PARN: variants seen among roughly 807,000 people sequenced by gnomAD.
The protein encoded by PARN is poly(A)-specific ribonuclease PARN.
PARN carries 71 observed loss-of-function variants against 102.8 expected under a neutral mutation model. The observed-to-expected ratio is 0.69, with a 90% CI of 0.57 to 0.84. PARN has a LOEUF of 0.84. PARN is among the 40% of genes least tolerant of loss of function. The pLI is 0.00. For synonymous variants in PARN, 261 were observed against 252.9 expected, an observed-to-expected ratio of 1.03 and a Z score of -0.30; for missense variants, 782 against 760.9, an observed-to-expected ratio of 1.03 and a Z score of -0.33.
intron 22 of PARN, among the ~76,000 whole-genome samples, chr16:14,461,013 T>C (rs544574294): frequency 2.6e-5 from 4 of 152,346 alleles, no homozygotes; most frequent in African/African-American, 7.2e-5. Flanking sequence ...TGACAGCATG[T>C]TCCCTTGATA....
intron 21 of PARN, among the ~76,000 whole-genome samples, chr16:14,537,707 T>A (rs1012876691): frequency 6.6e-6 from 1 of 152,086 alleles, no homozygotes; most frequent in Non-Finnish European, 1.5e-5. Context: ...ATGTTCTGAT[T>A]CGTATGTGGG....
chr16:14,536,037 T>C (rs911966118), intron 21 of PARN, among the ~76,000 whole-genome samples: 7 of 152,164 alleles, frequency 4.6e-5, no homozygotes, highest in Admixed American at 1.3e-4. Context: ...AATTTAAAAA[T>C]TGTATTACAC....
intron 23 of PARN, among the ~76,000 whole-genome samples, chr16:14,443,340 C>A: frequency 7.2e-6 from 1 of 139,096 alleles, no homozygotes; most frequent in South Asian, 2.3e-4. Context: ...AAAGAGATTA[C>A]TTTTTTTTTT....
Position 14,554,119 on chromosome 16 carries a change from T to C in PARN, c.1351A>G (p.Thr451Ala), listed in dbSNP as rs984383174. The change falls in exon 20 of 24, where the codon ACA (threonine) becomes GCA (alanine). Residue 451 changes from threonine to alanine, a missense_variant. Thr to Ala is a moderately conservative substitution (Grantham distance 58). Transcript: ENST00000437198. The part of the protein sequence containing the change: ...QPKRDHVLHV[T>A]FPKEWKTSDL... ...CTGGTTTTCCATTCTTTGGGGAATG[T>C]CACATGGAGAACATGATCACGTTTA... 6.2e-7 allele frequency: 1 copy of C among 1,613,468 alleles called. No homozygotes were observed. Among genetic ancestry groups the C allele is most frequent in the Admixed American group, 1.7e-5 (1 of 59,984 alleles).
At chr16:14,584,449 G>A (rs1057178348) in intron 15 of PARN, 27 bp from the exon 16 acceptor site, 4 of 1,575,770 alleles carry the variant, frequency 2.5e-6, no homozygotes, top group East Asian at 4.5e-5. Flanking sequence ...AAAGAATTAT[G>A]AGATTTCATC....
intron 22 of PARN, among the ~76,000 whole-genome samples, chr16:14,476,751 A>G (rs776834050): frequency 6.6e-6 from 1 of 152,224 alleles, no homozygotes; most frequent in Non-Finnish European, 1.5e-5. Context: ...AAAACATGTG[A>G]GCCACGTGGG....
chr16:14,444,585 G>A (rs1961106229), intron 23 of PARN, among the ~76,000 whole-genome samples: 1 of 152,134 alleles, frequency 6.6e-6, no homozygotes, highest in Non-Finnish European at 1.5e-5. Flanking sequence ...AAAACGAAAA[G>A]CTTGTCCCTG....
intron 21 of PARN, among the ~76,000 whole-genome samples, chr16:14,531,516 T>C (rs1222417170): frequency 6.6e-6 from 1 of 152,208 alleles, no homozygotes; most frequent in Non-Finnish European, 1.5e-5. Context: ...ATGTAGCATT[T>C]ATAGATGTGG....
intron 18 of PARN, among the ~76,000 whole-genome samples, chr16:14,557,615 T>C (rs1967778240): frequency 6.9e-6 from 1 of 144,730 alleles, no homozygotes; most frequent in African/African-American, 2.6e-5. Flanking sequence ...AATGGAACCA[T>C]CAGCATGAAC....
intron 22 of PARN, among the ~76,000 whole-genome samples, chr16:14,481,889 T>C (rs1240155241): frequency 6.6e-6 from 1 of 152,084 alleles, no homozygotes; most frequent in Non-Finnish European, 1.5e-5. Flanking sequence ...GGATTATGGG[T>C]GATAAAAGGA....
chr16:14,626,261 C>T (rs796266537), intron 5 of PARN, among the ~76,000 whole-genome samples: 1 of 152,144 alleles, frequency 6.6e-6, no homozygotes, highest in Non-Finnish European at 1.5e-5. Flanking sequence ...AGAGTGGATG[C>T]GAGGAGAATG....
rs1281614926 is a variant in PARN, at chr16:14,554,014, T to C, written c.1405+51A>G. 4 of 1,186,456 alleles carry C rather than the reference T, an allele frequency of 3.4e-6. No individual in the cohort carries two copies. The Admixed American group carries it at 5.9e-5, about 18-fold the overall frequency. 73.5% of individuals were successfully genotyped at this position (1,186,456 alleles called of 1,614,324 possible). ...CTATCTTTCTACTTCTGACCACCTATACCAAATGAATAGCAAAACCCTAAA... is the reference window on the plus strand; with the variant it reads ...CTATCTTTCTACTTCTGACCACCTACACCAAATGAATAGCAAAACCCTAAA... On this transcript the variant is annotated intron_variant, in intron 20 of 23. Coordinates refer to ENST00000437198, the MANE Select transcript of PARN (RefSeq NM_002582.4).
At chr16:14,469,904 A>G (rs1301192985) in intron 22 of PARN, among the ~76,000 whole-genome samples, 1 of 152,208 alleles carries the variant, frequency 6.6e-6, no homozygotes, top group Non-Finnish European at 1.5e-5. Context: ...CATGGAAAAA[A>G]TAGTATTTCA....
chr16:14,504,185 AT>A (rs959075761), intron 21 of PARN, among the ~76,000 whole-genome samples: 1 of 152,250 alleles, frequency 6.6e-6, no homozygotes, highest in Non-Finnish European at 1.5e-5. Flanking sequence ...TAAATTAAAA[AT>A]GTCTTCAAAA....
At chr16:14,546,381 G>T (rs1396588428) in intron 21 of PARN, among the ~76,000 whole-genome samples, 4 of 152,156 alleles carry the variant, frequency 2.6e-5, no homozygotes, top group Non-Finnish European at 5.9e-5. Flanking sequence ...TCCTGAAAAA[G>T]CTTCTAAGGC....
chr16:14,514,224 AC>A (rs1209087924), intron 21 of PARN, among the ~76,000 whole-genome samples: 1 of 152,136 alleles, frequency 6.6e-6, no homozygotes, highest in Admixed American at 6.5e-5. Context: ...TTGCTCTGTC[AC>A]CCAGGCTGGA....
At chr16:14,629,830 TG>T in intron 1 of PARN, among the ~76,000 whole-genome samples, 156 bp from the exon 2 acceptor site, 1 of 151,588 alleles carries the variant, frequency 6.6e-6, no homozygotes, top group East Asian at 1.9e-4. Flanking sequence ...CCTCGAGGGG[TG>T]CATGGGTCAG....
Position 14,447,040 on chromosome 16 carries a change from G to A in PARN, c.1712C>T (p.Pro571Leu), listed in dbSNP as rs1249152800. The change falls in exon 23 of 24, where the codon CCT (proline) becomes CTT (leucine). Residue 571 changes from proline to leucine, a missense_variant. Coordinates refer to ENST00000437198, the MANE Select transcript of PARN (RefSeq NM_002582.4). Reference protein sequence around the residue: ...PSTVGKRNLSPSQEEAGLEDG... With the variant: ...PSTVGKRNLSLSQEEAGLEDG... ...CTCCAGGCCAGCTTCCTCTTGACTA[G>A]GACTCAAATTTCTCTTTCCTACTGT... is the stretch of plus-strand genomic sequence containing the variant. 6.2e-7 allele frequency: 1 copy of A among 1,613,760 alleles called. No homozygotes were observed. The highest frequency in any genetic ancestry group is 1.1e-5 in the South Asian group (1 of 91,068).
Position 14,511,857 on chromosome 16 carries a change from T to C in PARN, c.1481-29030A>G, listed in dbSNP as rs554850105. 6.6e-5 allele frequency among the ~76,000 whole-genome samples: 10 copies of C among 152,220 alleles called. No individual in the cohort carries two copies. In the East Asian group the frequency reaches 1.7e-3, roughly 26 times the overall value. The stretch of plus-strand genomic sequence containing the variant: ...CTGGGACTATGGGTGTGTGCCACCA[T>C]GCTCAGCTAATTTTTAAAATTTCTT... On this transcript the variant is annotated intron_variant, in intron 21 of 23. Transcript: ENST00000437198.
Sources: allele counts gnomAD v4.1 joint callset (sites outside exome capture counted in the v4.1 genomes callset), GRCh38; gene constraint gnomAD v4.1.1; transcripts MANE v1.5; gene names NCBI Gene and HGNC (gene_info 2026-07-23, HGNC 2026-07-21).